The following OCA2 variants were observed in gnomAD, a reference collection of about 807,000 sequenced individuals.
OCA2 encodes P protein.
OCA2 carries 77 observed loss-of-function variants against 100.2 expected under a neutral mutation model. The ratio of observed to expected loss-of-function variants is 0.77; its 90% confidence interval spans 0.64 to 0.93. OCA2 has a LOEUF of 0.93. Among genes scored for constraint, OCA2 ranks in the 40% least tolerant of loss-of-function variants. The pLI, the probability that OCA2 is intolerant of heterozygous loss-of-function variation, is 0.00. For missense variants in OCA2, 1,062 were observed against 1,089.1 expected, an observed-to-expected ratio of 0.98 and a Z score of 0.35; for synonymous variants, 432 against 439.2, an observed-to-expected ratio of 0.98 and a Z score of 0.21.
At chr15:28,058,583 C>T (rs919741470) in intron 2 of OCA2, among the ~76,000 whole-genome samples, 8 of 152,140 alleles carry the variant, frequency 5.3e-5, no homozygotes, top group African/African-American at 1.9e-4. Context: ...AGGTGGCAAA[C>T]CCAGACACAT....
chr15:27,857,547 A>C (rs938388924), intron 21 of OCA2, among the ~76,000 whole-genome samples: 2 of 152,204 alleles, frequency 1.3e-5, no homozygotes, highest in Non-Finnish European at 2.9e-5. Flanking sequence ...AAAAATGATT[A>C]AGATGGTGCA....
chr15:27,815,631 C>G (rs1349130994), intron 23 of OCA2, among the ~76,000 whole-genome samples: 2 of 152,184 alleles, frequency 1.3e-5, no homozygotes, highest in Admixed American at 1.3e-4. Flanking sequence ...CTAGACAACA[C>G]TTACATGCCC....
At chr15:27,751,196 T>C (rs575643687), downstream of OCA2, among the ~76,000 whole-genome samples, 1 of 152,334 alleles carries the variant, frequency 6.6e-6, no homozygotes, top group Admixed American at 6.5e-5. Context: ...GAGGCTTATG[T>C]TGGTCAAGTG....
At chr15:28,002,158 G>A (rs181935341) in intron 9 of OCA2, among the ~76,000 whole-genome samples, 5 of 152,330 alleles carry the variant, frequency 3.3e-5, no homozygotes, top group African/African-American at 1.2e-4. Flanking sequence ...CCAGAAAAAT[G>A]GCAACTAGGC....
At chr15:27,916,032 T>C (rs1336639950) in intron 19 of OCA2, among the ~76,000 whole-genome samples, 1 of 152,188 alleles carries the variant, frequency 6.6e-6, no homozygotes, top group Non-Finnish European at 1.5e-5. Flanking sequence ...TGAAATCATG[T>C]CCTTTGCAGC....
chr15:27,751,537 A>G (rs1595353663), downstream of OCA2, among the ~76,000 whole-genome samples: 1 of 152,236 alleles, frequency 6.6e-6, no homozygotes, highest in East Asian at 1.9e-4. Context: ...AGCATATAAC[A>G]TATTGGATTC....
intron 21 of OCA2, among the ~76,000 whole-genome samples, chr15:27,867,580 C>G (rs2036374980): frequency 6.6e-6 from 1 of 152,154 alleles, no homozygotes; most frequent in Non-Finnish European, 1.5e-5. Context: ...AAACCAGTCG[C>G]TGTGAAGTTA....
chr15:27,979,728 C>T (rs528141170), intron 14 of OCA2, among the ~76,000 whole-genome samples: 5 of 149,188 alleles, frequency 3.4e-5, no homozygotes, highest in African/African-American at 1.2e-4. Flanking sequence ...GAGACAGAGT[C>T]TCACTCTTTC....
chr15:28,094,263 G>C (rs896299796), intron 1 of OCA2, among the ~76,000 whole-genome samples: 1 of 152,152 alleles, frequency 6.6e-6, no homozygotes, highest in Non-Finnish European at 1.5e-5. Context: ...ACCCCAGCCC[G>C]TGGCTGCACT....
chr15:28,070,923 G>A (rs1037447814), intron 2 of OCA2, among the ~76,000 whole-genome samples: 57 of 146,938 alleles, frequency 3.9e-4, no homozygotes, highest in African/African-American at 1.4e-3. Flanking sequence ...TGGATTAAGG[G>A]CGGTACAAGA....
intron 2 of OCA2, among the ~76,000 whole-genome samples, chr15:28,046,666 C>A (rs1375164): frequency 6.6e-6 from 1 of 151,996 alleles, no homozygotes. Flanking sequence ...CAACCATGCA[C>A]TGACAACAAC....
At chr15:27,842,187 T>G (rs1044035495) in intron 23 of OCA2, among the ~76,000 whole-genome samples, 4 of 152,220 alleles carry the variant, frequency 2.6e-5, no homozygotes, top group Non-Finnish European at 5.9e-5. Flanking sequence ...CTTGTTAAGA[T>G]GCTCACAATA....
chr15:27,976,578 A>T (rs1030578407), intron 14 of OCA2, among the ~76,000 whole-genome samples: 1 of 152,178 alleles, frequency 6.6e-6, no homozygotes, highest in Non-Finnish European at 1.5e-5. Flanking sequence ...CAAATATAAG[A>T]ATCTTCCATT....
the OCA2 span, among the ~76,000 whole-genome samples, chr15:27,736,056 T>C: frequency 2.6e-5 from 4 of 152,208 alleles, no homozygotes; most frequent in Admixed American, 6.5e-5. Context: ...CAATCCACAA[T>C]GTACATATAG....
intron 23 of OCA2, among the ~76,000 whole-genome samples, chr15:27,830,137 C>A (rs1274786507): frequency 1.3e-5 from 2 of 152,146 alleles, no homozygotes; most frequent in Non-Finnish European, 1.5e-5. Context: ...TGCCCTACCA[C>A]AGAGTAAGCT....
chr15:28,071,944 A>G (rs776034031), intron 2 of OCA2, among the ~76,000 whole-genome samples: 1 of 152,256 alleles, frequency 6.6e-6, no homozygotes, highest in Non-Finnish European at 1.5e-5. Context: ...GCTTCTGCAC[A>G]GCAAAATGAA....
chr15:27,765,928 G>A (rs2151010496), intron 23 of OCA2, among the ~76,000 whole-genome samples: 1 of 152,242 alleles, frequency 6.6e-6, no homozygotes, highest in Admixed American at 6.5e-5. Flanking sequence ...TGTATCTTGT[G>A]CCAACCTCCT....
the OCA2 span, among the ~76,000 whole-genome samples, chr15:27,719,473 G>A: frequency 1.3e-5 from 2 of 152,020 alleles, no homozygotes; most frequent in African/African-American, 4.8e-5. Context: ...TTGCGGGGGG[G>A]ACCACAATTC....
intron 18 of OCA2, among the ~76,000 whole-genome samples, chr15:27,926,645 G>C (rs1371468136): frequency 6.6e-6 from 1 of 152,000 alleles, no homozygotes; most frequent in African/African-American, 2.4e-5. Flanking sequence ...GCCTTTTTGA[G>C]ACACAGTTTT....
Sources: gnomAD v4.1 joint callset for allele counts (sites outside exome capture counted in the v4.1 genomes callset) on GRCh38, gnomAD v4.1.1 for gene constraint, MANE v1.5 for transcripts, NCBI Gene and HGNC (gene_info 2026-07-23, HGNC 2026-07-21) for gene names.